CHODL: variants seen among roughly 807,000 people sequenced by gnomAD.
CHODL encodes transmembrane protein MT75.
A neutral mutation model predicts 34.5 loss-of-function variants in CHODL; 29 were observed. The ratio of observed to expected loss-of-function variants is 0.84; its 90% CI spans 0.63 to 1.15. CHODL has a LOEUF of 1.15. CHODL is among the 50% of genes most tolerant of loss of function. The probability of loss-of-function intolerance (pLI) is 0.00; values close to 1 mark genes in which losing one functional copy is unlikely to be tolerated. For synonymous variants in CHODL, 125 were observed against 116.1 expected, an observed-to-expected ratio of 1.08 and a Z score of -0.49; for missense variants, 332 against 332.5, an observed-to-expected ratio of 1.00 and a Z score of 0.01.
intron 1 of CHODL, among the ~76,000 whole-genome samples, chr21:17,977,596 G>A (rs1428199358): frequency 6.8e-6 from 1 of 147,042 alleles, no homozygotes; most frequent in African/African-American, 2.5e-5. Flanking sequence ...TCTTGACCTC[G>A]TGATTCACCT....
At chr21:18,205,796 G>T (rs2073705427) in intron 2 of CHODL, among the ~76,000 whole-genome samples, 2 of 149,092 alleles carry the variant, frequency 1.3e-5, no homozygotes, top group South Asian at 4.3e-4. Context: ...GAGTGCAGTG[G>T]TGCGATCTCA....
At chr21:17,982,318 G>C (rs2063720165) in intron 1 of CHODL, among the ~76,000 whole-genome samples, 1 of 152,104 alleles carries the variant, frequency 6.6e-6, no homozygotes, top group African/African-American at 2.4e-5. Context: ...AGTTTTACTT[G>C]GGTCCTGCAG....
chr21:18,230,212 A>C (rs890840262), intron 2 of CHODL, among the ~76,000 whole-genome samples: 7 of 152,106 alleles, frequency 4.6e-5, no homozygotes, highest in African/African-American at 1.2e-4. Flanking sequence ...CTCCACATGA[A>C]GTTTGCTTTG....
chr21:18,087,443 C>T (rs774680884), intron 2 of CHODL, among the ~76,000 whole-genome samples: 1 of 152,128 alleles, frequency 6.6e-6, no homozygotes, highest in African/African-American at 2.4e-5. Flanking sequence ...GATGGAAAGG[C>T]CCCTCAAGCA....
intron 2 of CHODL, among the ~76,000 whole-genome samples, chr21:18,221,005 C>T (rs1157717257): frequency 1.3e-5 from 2 of 152,144 alleles, no homozygotes; most frequent in African/African-American, 2.4e-5. Context: ...TCCATCATTT[C>T]TCCTTCTGGA....
intron 2 of CHODL, among the ~76,000 whole-genome samples, chr21:18,046,988 T>G (rs1188648535): frequency 2.0e-5 from 3 of 151,948 alleles, no homozygotes. Context: ...AGTTTAGGGC[T>G]AAAATTGCAT....
At chr21:18,171,146 A>T in intron 2 of CHODL, among the ~76,000 whole-genome samples, 1 of 118,286 alleles carries the variant, frequency 8.5e-6, no homozygotes, top group Non-Finnish European at 1.7e-5. Flanking sequence ...CTGTTTTATG[A>T]GACATTGTTC....
chr21:18,182,155 T>A (rs2073389449), intron 2 of CHODL, among the ~76,000 whole-genome samples: 3 of 152,112 alleles, frequency 2.0e-5, no homozygotes, highest in South Asian at 2.1e-4. Flanking sequence ...GATGGGAGAG[T>A]ACTACTTTAC....
At chr21:17,990,913 C>G (rs1244211218) in intron 1 of CHODL, among the ~76,000 whole-genome samples, 1 of 152,032 alleles carries the variant, frequency 6.6e-6, no homozygotes, top group Non-Finnish European at 1.5e-5. Flanking sequence ...AGAACTTATT[C>G]CTTCTATCTA....
intron 2 of CHODL, among the ~76,000 whole-genome samples, chr21:18,041,177 T>C (rs1294303582): frequency 1.3e-5 from 2 of 151,916 alleles, no homozygotes; most frequent in Non-Finnish European, 2.9e-5. Flanking sequence ...GTTCATTTGT[T>C]ATCGGTGTTA....
chr21:18,192,304 CT>C (rs552806631), intron 2 of CHODL, among the ~76,000 whole-genome samples: 1 of 151,956 alleles, frequency 6.6e-6, no homozygotes, highest in Non-Finnish European at 1.5e-5. Context: ...CAGTAATGAA[CT>C]TTTTTTTGCT....
At chr21:18,035,385 A>T (rs1012145580) in intron 2 of CHODL, among the ~76,000 whole-genome samples, 3 of 151,862 alleles carry the variant, frequency 2.0e-5, no homozygotes, top group African/African-American at 7.3e-5. Flanking sequence ...TGCTTTTAAG[A>T]CTTCCTCTTT....
chr21:18,235,489 T>G (rs1283705720), intron 2 of CHODL, among the ~76,000 whole-genome samples: 1 of 152,074 alleles, frequency 6.6e-6, no homozygotes, highest in Non-Finnish European at 1.5e-5. Context: ...TAAACCCCAG[T>G]TAACTCTTTG....
At chr21:18,114,277 TAAAG>T (rs986314343) in intron 2 of CHODL, among the ~76,000 whole-genome samples, 7 of 152,110 alleles carry the variant, frequency 4.6e-5, no homozygotes, top group African/African-American at 1.4e-4. Flanking sequence ...TATTTTAAAA[TAAAG>T]AATGTAATTG....
chr21:18,097,297 T>A (rs1270073198), intron 2 of CHODL, among the ~76,000 whole-genome samples: 1 of 152,106 alleles, frequency 6.6e-6, no homozygotes, highest in Non-Finnish European at 1.5e-5. Context: ...TGTTTGCAGA[T>A]GATATAATCT....
At chr21:18,231,245 C>A (rs1191275878) in intron 2 of CHODL, among the ~76,000 whole-genome samples, 1 of 152,118 alleles carries the variant, frequency 6.6e-6, no homozygotes, top group African/African-American at 2.4e-5. Context: ...CCTTTCCCTG[C>A]CAGCCCACTA....
chr21:18,151,893 C>T (rs1444245590), intron 2 of CHODL, among the ~76,000 whole-genome samples: 2 of 152,080 alleles, frequency 1.3e-5, no homozygotes, highest in African/African-American at 4.8e-5. Flanking sequence ...CTCCAAATGC[C>T]TTACCTTCTA....
At chr21:18,211,141 T>TACAC (rs3077936) in intron 2 of CHODL, among the ~76,000 whole-genome samples, 77,326 of 148,586 alleles carry the variant, frequency 0.52, 21,389 homozygotes, top group East Asian at 0.81. Context: ...TACACATGGA[T>TACAC]ACACACACAC....
At chr21:18,009,887 C>CAAAAAAAAAAAAA (rs71189575) in intron 1 of CHODL, among the ~76,000 whole-genome samples, 2 of 94,796 alleles carry the variant, frequency 2.1e-5, no homozygotes, top group Admixed American at 1.1e-4. Flanking sequence ...GACTCCGTCT[C>CAAAAAAAAAAAAA]AAAAAAAAAA....
Sources: gnomAD v4.1 joint callset for allele counts (sites outside exome capture counted in the v4.1 genomes callset) on GRCh38, gnomAD v4.1.1 for gene constraint, MANE v1.5 for transcripts, NCBI Gene and HGNC (gene_info 2026-07-23, HGNC 2026-07-21) for gene names.